MEGF8: variants seen among roughly 807,000 people sequenced by gnomAD.
MEGF8 encodes the protein multiple EGF like domains 8.
In MEGF8, 156 loss-of-function variants were observed where a neutral mutation model predicts 302.9. The observed-to-expected ratio is 0.52, with a 90% CI of 0.45 to 0.59. MEGF8 has a LOEUF of 0.59. Among genes scored for constraint, MEGF8 ranks in the 20% least tolerant of loss-of-function variants. The pLI, the probability that MEGF8 is intolerant of heterozygous loss-of-function variation, is 0.00. For synonymous variants in MEGF8, 1,621 were observed against 1,660.5 expected (o/e 0.98, Z 0.58); for missense variants, 3,345 against 3,964.5 (o/e 0.84, Z 4.20).
Position 42,333,730 on chromosome 19 carries a change from A to G in MEGF8, c.313A>G (p.Ser105Gly). Residue 105 changes from serine (S) to glycine (G), a missense_variant, in exon 2 of 42, where the codon AGC becomes GGC. Transcript: ENST00000251268. The part of the protein sequence containing the change: ...RGPLLASLSG[S>G]TRPPPIEASS... ...GCCGCTGCTTGCCAGTCTAAGTGGG[A>G]GCACCCGACCTCCGCCCATCGAAGC... is the stretch of plus-strand genomic sequence containing the variant. 3.1e-6 allele frequency: 5 copies of G among 1,613,950 alleles called. No individual in the cohort carries two copies. Among genetic ancestry groups the G allele is most frequent in the Non-Finnish European group, 4.2e-6 (5 of 1,179,884 alleles).
At position 42,335,398 on chromosome 19, in the gene MEGF8, C is replaced by T; in HGVS notation, c.828+13C>T. The T allele has an allele frequency of 3.7e-6, 6 of 1,613,138 alleles. No individual in the cohort carries two copies. Among genetic ancestry groups the T allele is most frequent in the South Asian group, 1.1e-5 (1 of 91,060 alleles). ...GAGTCCTGCCCCGGTATGGACCCCT[C>T]CTCTGCCCTGGAGGAGCCTTTCCAC... On this transcript the variant is annotated intron_variant, in intron 5 of 41. Transcript: ENST00000251268.
At position 42,336,508 on chromosome 19, in the gene MEGF8, A is replaced by G. The variant is rs1443636803; in HGVS notation, c.1244+162A>G. On this transcript the variant is annotated intron_variant, in intron 6 of 41. Transcript: ENST00000251268. The surrounding 1 kb of genome is among the most constrained non-coding windows in gnomAD (Gnocchi z 4.8). ...TATTCCTTCGTTCACTCATTCATTCATTCACCCACTCACACATTCTCTGAT... is the reference window on the plus strand; with the variant it reads ...TATTCCTTCGTTCACTCATTCATTCGTTCACCCACTCACACATTCTCTGAT... Among the ~76,000 whole-genome samples, 1 of 152,052 alleles carries G rather than the reference A, an allele frequency of 6.6e-6. No individual in the cohort carries two copies. Among genetic ancestry groups the G allele is most frequent in the Non-Finnish European group, 1.5e-5 (1 of 68,000 alleles).
At chr19:42,328,711 G>A (rs924689434) in intron 1 of MEGF8, among the ~76,000 whole-genome samples, 10 of 152,078 alleles carry the variant, frequency 6.6e-5, no homozygotes, top group African/African-American at 2.4e-4. Flanking sequence ...CAAGTGGGGC[G>A]GATCACCTGA....
In MEGF8 at chr19:42,375,643, C is replaced by T. The variant is rs759050174; in HGVS notation, c.7406C>T (p.Ala2469Val). ...TGCTTCCATGAGCCCAAACGCCGGG[C>T]GCTAGGCCCCGGCCGCACTGTCCTC... is the stretch of plus-strand genomic sequence containing the variant. ...TNCFHEPKRRALGPGRTVLFG... is the reference protein window; with the variant it reads ...TNCFHEPKRRVLGPGRTVLFG... The change falls in exon 42 of 42, where the codon GCG becomes GTG. Residue 2469 changes from alanine to valine, a missense_variant. By Grantham distance (64) the Ala-to-Val change is moderately conservative. Transcript: ENST00000251268. The surrounding 1 kb of genome is among the most constrained non-coding windows in gnomAD (Gnocchi z 7.1). 15 of 1,609,312 alleles carry T rather than the reference C, an allele frequency of 9.3e-6. No homozygotes were observed. The South Asian group carries it at 1.0e-4, about 11-fold the overall frequency.
Position 42,376,957 on chromosome 19 carries a change from A to C in MEGF8, c.*182A>C. 1.7e-6 allele frequency: 1 copy of C among 584,336 alleles called. No homozygotes were observed. The highest frequency in any genetic ancestry group is 2.7e-6 in the Non-Finnish European group (1 of 371,462). The allele number at this position is 584,336 out of a possible 1,614,324, so 36.2% of individuals were successfully genotyped here. Reference sequence around the variant, plus strand: ...TTCAGCAGCTATTTATCGAGTACCTACTCTGTCAGGCACTGTCATAGGCGT... The same window carrying C: ...TTCAGCAGCTATTTATCGAGTACCTCCTCTGTCAGGCACTGTCATAGGCGT... On this transcript the variant is annotated 3_prime_UTR_variant, in exon 42 of 42. Transcript: ENST00000251268. The surrounding 1 kb of genome is among the most constrained non-coding windows in gnomAD (Gnocchi z 8.2).
At chr19:42,347,722 C>A (rs2039311249) in intron 12 of MEGF8, among the ~76,000 whole-genome samples, 1 of 151,964 alleles carries the variant, frequency 6.6e-6, no homozygotes, top group African/African-American at 2.4e-5. Flanking sequence ...GAACTCCTGA[C>A]CTCAAGTGAT....
rs1453540270 is a variant in MEGF8 at position 42,352,238 on chromosome 19, C to T, written c.3132C>T (p.Leu1044=). The T allele has an allele frequency of 6.4e-6, 10 of 1,554,252 alleles. No homozygotes were observed. The highest frequency in any genetic ancestry group is 8.7e-6 in the Non-Finnish European group (10 of 1,146,154). Residue 1044 remains leucine (L), a synonymous_variant, in exon 19 of 42, where the codon CTC becomes CTT. Transcript: ENST00000251268. This position sits in a 1 kb window ranked among gnomAD's most constrained non-coding sequence, Gnocchi z 4.4. ...TACAGGGGGACTTCTCAGGGCCCCT[C>T]GGTGGGGGTAACTGCTCCCTGTGGG... ...RCLQGDFSGP[L]GGGNCSLWVG... is the part of the protein sequence containing the mutation.
Position 42,359,161 on chromosome 19 carries a change from C to A in MEGF8, c.5407C>A (p.Arg1803Ser). 6.4e-7 allele frequency: 1 copy of A among 1,559,156 alleles called. No individual in the cohort carries two copies. The highest frequency in any genetic ancestry group is 1.1e-5 in the South Asian group (1 of 88,394). ...GGACACCATGGTGGTTCTTGGGGGGCGCTCGGACCCTGACGAGTTCAGCAG... is the reference window on the plus strand; with the variant it reads ...GGACACCATGGTGGTTCTTGGGGGGAGCTCGGACCCTGACGAGTTCAGCAG... ...LGDTMVVLGG[R>S]SDPDEFSSDV... Residue 1803 changes from arginine (R) to serine (S), a missense_variant, in exon 31 of 42, where the codon CGC (arginine) becomes AGC (serine). By Grantham distance (110) the Arg-to-Ser change is moderately radical (BLOSUM62 -1). Coordinates refer to ENST00000251268, the MANE Select transcript of MEGF8 (RefSeq NM_001271938.2).
At chr19:42,331,818 C>T (rs1233026785) in intron 1 of MEGF8, among the ~76,000 whole-genome samples, 3 of 151,372 alleles carry the variant, frequency 2.0e-5, no homozygotes, top group Admixed American at 6.6e-5. Context: ...GATCCACCCA[C>T]CTTGGCCTCC....
intron 35 of MEGF8, 47 bp downstream of exon 35, chr19:42,363,309 C>T (rs1185708656): frequency 6.7e-7 from 1 of 1,483,180 alleles, no homozygotes; most frequent in Non-Finnish European, 9.2e-7. Context: ...CCGGGCAGGT[C>T]TCCCTCCTCT....
At position 42,337,181 on chromosome 19, in the gene MEGF8, G is replaced by A; in HGVS notation, c.1488G>A (p.Glu496=). 3.1e-6 allele frequency: 5 copies of A among 1,613,880 alleles called. No homozygotes were observed. Among genetic ancestry groups the A allele is most frequent in the Non-Finnish European group, 4.2e-6 (5 of 1,179,884 alleles). ...GCCATCAATGGGTGTCAGGAGCTGAGCTTGCCCCGCCAGGAACCCCTGAGG... is the reference window on the plus strand; with the variant it reads ...GCCATCAATGGGTGTCAGGAGCTGAACTTGCCCCGCCAGGAACCCCTGAGG... ...LGCHQWVSGA[E]LAPPGTPEGR... Residue 496 remains glutamate, a synonymous_variant, in exon 8 of 42, where the codon GAG becomes GAA. Transcript: ENST00000251268.
At position 42,334,101 on chromosome 19, in the gene MEGF8, A is replaced by G; in HGVS notation, c.446A>G (p.His149Arg). Residue 149 changes from histidine (H) to arginine (R), a missense_variant, in exon 3 of 42, where the codon CAC becomes CGC. Transcript: ENST00000251268. ...FSLCPGGCQS[H>R]GQCQPPGVCA... The stretch of plus-strand genomic sequence containing the variant: ...CTGTGCCCGGGTGGCTGCCAGAGCC[A>G]CGGGCAGTGCCAGCCACCGGGTGTG... 6.2e-7 allele frequency: 1 copy of G among 1,613,236 alleles called. No individual in the cohort carries two copies. Among genetic ancestry groups the G allele is most frequent in the Non-Finnish European group, 8.5e-7 (1 of 1,179,810 alleles).
chr19:42,353,969 C>A lies in MEGF8; in HGVS notation c.3956C>A (p.Thr1319Asn), dbSNP rs2039414773. ...TEELQPCAPG[T>N]LCPPLTLTFS... ...GAGCTACAGCCCTGTGCTCCCGGGA[C>A]CCTCTGTCCCCCACTCACCCTCACC... The change falls in exon 22 of 42, where the codon ACC (threonine) becomes AAC (asparagine). Residue 1319 changes from threonine (T) to asparagine (N), a missense_variant. Coordinates refer to ENST00000251268, the MANE Select transcript of MEGF8 (RefSeq NM_001271938.2). The surrounding 1 kb of genome is among the most constrained non-coding windows in gnomAD (Gnocchi z 6.1). 1.3e-6 allele frequency: 2 copies of A among 1,581,564 alleles called. No individual in the cohort carries two copies. The highest frequency in any genetic ancestry group is 1.7e-6 in the Non-Finnish European group (2 of 1,164,238).
In MEGF8 at chr19:42,353,702, G is replaced by C. The variant is rs745636734; in HGVS notation, c.3761+27G>C. The C allele has an allele frequency of 2.5e-6, 4 of 1,574,928 alleles. No individual in the cohort carries two copies. Among genetic ancestry groups the C allele is most frequent in the Non-Finnish European group, 3.5e-6 (4 of 1,155,292 alleles). ...TGAGCCAACGGGCCAGCCAGGGCTG[G>C]GTAGGGTGTGCTTGGGGACACAGTG... On this transcript the variant is annotated intron_variant, in intron 21 of 41. Transcript: ENST00000251268. This position sits in a 1 kb window ranked among gnomAD's most constrained non-coding sequence, Gnocchi z 6.1.
intron 15 of MEGF8, 100 bp downstream of exon 15, chr19:42,350,484 C>T (rs1600045343): frequency 8.7e-7 from 1 of 1,145,160 alleles, no homozygotes; most frequent in East Asian, 2.6e-5. Flanking sequence ...GGGGAAACAG[C>T]AAGGGCTTTT....
Position 42,354,697 on chromosome 19 carries a change from C to T in MEGF8, c.4121C>T (p.Pro1374Leu). 1 of 1,608,340 alleles carries T rather than the reference C, an allele frequency of 6.2e-7. No homozygotes were observed. Among genetic ancestry groups the T allele is most frequent in the Admixed American group, 1.7e-5 (1 of 59,968 alleles). The change falls in exon 23 of 42, where the codon CCC becomes CTC. Residue 1374 changes from proline (P) to leucine (L), a missense_variant. Pro to Leu is a moderately conservative substitution (Grantham distance 98). Coordinates refer to ENST00000251268, the MANE Select transcript of MEGF8 (RefSeq NM_001271938.2). This position sits in a 1 kb window ranked among gnomAD's most constrained non-coding sequence, Gnocchi z 4.3. ...AAFCGQRRDR[P>L]LTVQALSGLL... is the part of the protein sequence containing the mutation. ...TTCTGCGGCCAGCGACGGGACAGGC[C>T]CCTCACTGTTCAGGCCCTGTCTGGT...
chr19:42,328,002 C>T (rs1400600526), intron 1 of MEGF8, among the ~76,000 whole-genome samples: 1 of 152,144 alleles, frequency 6.6e-6, no homozygotes, highest in African/African-American at 2.4e-5. Context: ...GGCTGAGGCA[C>T]AAGAATCACT....
rs755822990 is a variant in MEGF8 at position 42,375,220 on chromosome 19, G to A, written c.7270-287G>A. 2.6e-5 allele frequency among the ~76,000 whole-genome samples: 4 copies of A among 152,182 alleles called. No individual in the cohort carries two copies. Among genetic ancestry groups the A allele is most frequent in the South Asian group, 2.1e-4 (1 of 4,834 alleles). Reference sequence around the variant, plus strand: ...AAGGAGGTAGAGCCAGAATGCAGCCGCGTTCTTCACTGCTGTGCCTCAGAG... The same window carrying A: ...AAGGAGGTAGAGCCAGAATGCAGCCACGTTCTTCACTGCTGTGCCTCAGAG... On this transcript the variant is annotated intron_variant, in intron 41 of 41. Coordinates refer to ENST00000251268, the MANE Select transcript of MEGF8 (RefSeq NM_001271938.2). The surrounding 1 kb of genome is among the most constrained non-coding windows in gnomAD (Gnocchi z 7.1).
chr19:42,359,079 C>G lies in MEGF8; in HGVS notation c.5344-19C>G. 1.3e-6 allele frequency: 2 copies of G among 1,495,666 alleles called. No homozygotes were observed. Among genetic ancestry groups the G allele is most frequent in the Non-Finnish European group, 1.8e-6 (2 of 1,115,328 alleles). The allele number at this position is 1,495,666 out of a possible 1,614,324, so 92.6% of individuals were successfully genotyped here. ...TCTGACAGGCTGTCCTGTCCCCCCACCCCCCGTCTCCCCAACAGCCCCGCC... is the reference window on the plus strand; with the variant it reads ...TCTGACAGGCTGTCCTGTCCCCCCAGCCCCCGTCTCCCCAACAGCCCCGCC... On this transcript the variant is annotated intron_variant, in intron 30 of 41. Transcript: ENST00000251268.
Sources: gnomAD v4.1 joint callset for allele counts (sites outside exome capture counted in the v4.1 genomes callset) on GRCh38, gnomAD v4.1.1 for gene constraint, Gnocchi (gnomAD v3.1) non-coding constraint, MANE v1.5 for transcripts, NCBI Gene and HGNC (gene_info 2026-07-23, HGNC 2026-07-21) for gene names.